MACROD1: variants seen among roughly 807,000 people sequenced by gnomAD.
MACROD1 encodes the protein ADP-ribose glycohydrolase MACROD1.
Under a neutral mutation model 41.4 loss-of-function variants are expected in MACROD1, and 31 were observed. The observed-to-expected ratio is 0.75, with a 90% CI of 0.56 to 1.01. MACROD1 has a LOEUF of 1.01. Ranked by LOEUF, MACROD1 falls within the 50% of genes least tolerant of loss-of-function variation. MACROD1 has a pLI of 0.00. For missense variants in MACROD1, 473 were observed against 460.0 expected (o/e 1.03, Z -0.26); for synonymous variants, 252 against 203.4 (o/e 1.24, Z -2.03).
At chr11:64,016,322 G>GA (rs1012072172) in intron 3 of MACROD1, among the ~76,000 whole-genome samples, 9 of 152,234 alleles carry the variant, frequency 5.9e-5, no homozygotes, top group African/African-American at 2.2e-4. Flanking sequence ...GCTCATCAGG[G>GA]AAAGCAGCGG....
chr11:64,143,530 G>C (rs552954089), intron 3 of MACROD1, among the ~76,000 whole-genome samples: 1 of 152,162 alleles, frequency 6.6e-6, no homozygotes, highest in African/African-American at 2.4e-5. Flanking sequence ...GAGGGAGCTG[G>C]AGCCCACCAG....
At chr11:64,077,813 C>T (rs1944231283) in intron 3 of MACROD1, among the ~76,000 whole-genome samples, 1 of 152,238 alleles carries the variant, frequency 6.6e-6, no homozygotes, top group South Asian at 2.1e-4. Flanking sequence ...GCCGCTCGGA[C>T]ATTTGGGCAA....
At chr11:64,044,071 CT>C (rs1197443326) in intron 3 of MACROD1, among the ~76,000 whole-genome samples, 1 of 151,946 alleles carries the variant, frequency 6.6e-6, no homozygotes, top group African/African-American at 2.4e-5. Context: ...CCACTTCGGC[CT>C]CCCAAAGTGC....
At chr11:64,091,632 C>T (rs917614263) in intron 3 of MACROD1, among the ~76,000 whole-genome samples, 1 of 152,160 alleles carries the variant, frequency 6.6e-6, no homozygotes, top group South Asian at 2.1e-4. Flanking sequence ...ACCATCCCCC[C>T]ATCCGACAGA....
intron 3 of MACROD1, among the ~76,000 whole-genome samples, chr11:64,057,214 G>A (rs1051694134): frequency 3.3e-5 from 5 of 152,242 alleles, no homozygotes; most frequent in African/African-American, 1.2e-4. Flanking sequence ...GCAGCCTCTG[G>A]GACCAGCTTG....
In MACROD1 at chr11:64,101,860, C is replaced by T. The variant is rs904575128; in HGVS notation, c.517+49379G>A. ...CTCTGAAACCTCCTTCTTCCTAGGG[C>T]AGCTTGTCCCAAGAAAACTCCCCCT... On this transcript the variant is annotated intron_variant, in intron 3 of 10. Coordinates refer to ENST00000255681, the MANE Select transcript of MACROD1 (RefSeq NM_014067.4). Among the ~76,000 whole-genome samples the T allele has an allele frequency of 8.5e-5, 13 of 152,188 alleles. No homozygotes were observed. In the East Asian group the frequency reaches 2.1e-3, roughly 25 times the overall value.
chr11:64,090,958 C>T lies in MACROD1; in HGVS notation c.517+60281G>A, dbSNP rs1944479248. ...TAGGGGGCACTGGCAGAATCTGCAGCACTGACCTCTGACCTCTGGGTCAGT... is the reference window on the plus strand; with the variant it reads ...TAGGGGGCACTGGCAGAATCTGCAGTACTGACCTCTGACCTCTGGGTCAGT... On this transcript the variant is annotated intron_variant, in intron 3 of 10. Coordinates refer to ENST00000255681, the MANE Select transcript of MACROD1 (RefSeq NM_014067.4). The surrounding 1 kb of genome is among the most constrained non-coding windows in gnomAD (Gnocchi z 4.7). 1.3e-5 allele frequency among the ~76,000 whole-genome samples: 2 copies of T among 151,636 alleles called. No homozygotes were observed. The highest frequency in any genetic ancestry group is 6.6e-5 in the Admixed American group (1 of 15,248).
chr11:64,025,664 A>G (rs1943214418), intron 3 of MACROD1, among the ~76,000 whole-genome samples: 1 of 150,990 alleles, frequency 6.6e-6, no homozygotes, highest in Non-Finnish European at 1.5e-5. Context: ...ATTCATTGCA[A>G]TGCTTGTAAG....
intron 3 of MACROD1, among the ~76,000 whole-genome samples, chr11:64,049,477 G>A (rs1028052537): frequency 1.3e-5 from 2 of 152,194 alleles, no homozygotes; most frequent in Non-Finnish European, 2.9e-5. Context: ...CAACCTTATG[G>A]GGGAGGTATG....
At chr11:64,023,830 T>A (rs1329368576) in intron 3 of MACROD1, among the ~76,000 whole-genome samples, 2 of 152,166 alleles carry the variant, frequency 1.3e-5, no homozygotes, top group Non-Finnish European at 2.9e-5. Context: ...AATCGAGGCA[T>A]CCCACCCCCA....
intron 3 of MACROD1, among the ~76,000 whole-genome samples, chr11:64,078,920 T>C (rs1691000273): frequency 6.6e-6 from 1 of 152,088 alleles, no homozygotes; most frequent in Admixed American, 6.5e-5. Flanking sequence ...CCAGGACATA[T>C]CTTTATGCCA....
intron 3 of MACROD1, among the ~76,000 whole-genome samples, chr11:64,033,701 CGTA>C (rs1943323534): frequency 6.6e-6 from 1 of 151,764 alleles, no homozygotes; most frequent in East Asian, 1.9e-4. Context: ...ATTAGCCAGG[CGTA>C]GTGGTGCATT....
intron 3 of MACROD1, chr11:64,116,594 G>A: frequency 6.2e-7 from 1 of 1,614,184 alleles, no homozygotes; most frequent in Non-Finnish European, 8.5e-7. Context: ...TCAACGTGCA[G>A]GTCATCTACC....
chr11:64,077,009 C>T (rs1197477017), intron 3 of MACROD1, among the ~76,000 whole-genome samples: 1 of 152,106 alleles, frequency 6.6e-6, no homozygotes, highest in East Asian at 1.9e-4. Context: ...TGTCGCTAGG[C>T]CCTTGAGCTG....
chr11:64,108,067 A>G (rs1337751672), intron 3 of MACROD1, among the ~76,000 whole-genome samples: 1 of 152,196 alleles, frequency 6.6e-6, no homozygotes, highest in African/African-American at 2.4e-5. Context: ...TAATCCCAGC[A>G]CTTTGGGAGG....
chr11:64,029,667 C>T (rs964247440), intron 3 of MACROD1, among the ~76,000 whole-genome samples: 4 of 152,038 alleles, frequency 2.6e-5, no homozygotes, highest in African/African-American at 7.2e-5. Context: ...ACCCCCCTCT[C>T]GGACCCATGC....
At chr11:64,145,055 C>A (rs924374115) in intron 3 of MACROD1, among the ~76,000 whole-genome samples, 18 of 152,292 alleles carry the variant, frequency 1.2e-4, no homozygotes, top group Admixed American at 7.2e-4. Context: ...GCCCTCCAGG[C>A]GGCAGGAGAG....
chr11:64,132,195 G>A (rs2134660463), intron 3 of MACROD1, among the ~76,000 whole-genome samples: 1 of 152,242 alleles, frequency 6.6e-6, no homozygotes, highest in South Asian at 2.1e-4. Flanking sequence ...CGTCCTCCAA[G>A]CTCTCGAGCC....
At chr11:64,145,624 T>G (rs186517420) in intron 3 of MACROD1, among the ~76,000 whole-genome samples, 1 of 152,216 alleles carries the variant, frequency 6.6e-6, no homozygotes. Flanking sequence ...GCACAGCCCA[T>G]GCTCACTGCT....
Sources: allele counts gnomAD v4.1 joint callset (sites outside exome capture counted in the v4.1 genomes callset), GRCh38; gene constraint gnomAD v4.1.1; non-coding constraint Gnocchi (gnomAD v3.1); transcripts MANE v1.5; gene names NCBI Gene and HGNC (gene_info 2026-07-23, HGNC 2026-07-21).